MTA3: variants seen among roughly 807,000 people sequenced by gnomAD.
The protein encoded by MTA3 is metastasis-associated protein MTA3.
Under a neutral mutation model 83.5 loss-of-function variants are expected in MTA3, and 34 were observed. The observed-to-expected ratio is 0.41, with a 90% CI of 0.31 to 0.54. The LOEUF is 0.54. Ranked by LOEUF, MTA3 falls within the 20% of genes least tolerant of loss-of-function variation. The pLI is 0.33. For synonymous variants in MTA3, 303 were observed against 252.7 expected (o/e 1.20, Z -1.89); for missense variants, 761 against 726.4 (o/e 1.05, Z -0.55).
intron 3 of MTA3, among the ~76,000 whole-genome samples, chr2:42,583,383 C>G (rs1341481238): frequency 6.6e-6 from 1 of 152,118 alleles, no homozygotes; most frequent in Non-Finnish European, 1.5e-5. Flanking sequence ...ATAAAGTTGT[C>G]TGAAGAATTC....
intron 9 of MTA3, among the ~76,000 whole-genome samples, chr2:42,689,998 C>T (rs1022296125): frequency 6.6e-6 from 1 of 151,426 alleles, no homozygotes; most frequent in African/African-American, 2.4e-5. Flanking sequence ...AAGCTTAGGG[C>T]TACAGATGTG....
At chr2:42,581,360 CTTTTTTT>C (rs778419810) in intron 3 of MTA3, among the ~76,000 whole-genome samples, 1,156 of 88,238 alleles carry the variant, frequency 0.013, 19 homozygotes, top group African/African-American at 0.04. Flanking sequence ...TCCCAAATTG[CTTTTTTT>C]TTTTTTTTTT....
At chr2:42,717,608 C>G (rs1220978063) in intron 14 of MTA3, among the ~76,000 whole-genome samples, 1 of 152,186 alleles carries the variant, frequency 6.6e-6, no homozygotes, top group East Asian at 1.9e-4. Context: ...AATACCCATC[C>G]TCACTGTTTC....
At chr2:42,580,563 G>A (rs1472908381) in intron 3 of MTA3, among the ~76,000 whole-genome samples, 3 of 150,636 alleles carry the variant, frequency 2.0e-5, no homozygotes, top group Non-Finnish European at 4.4e-5. Context: ...GCAGAGACAG[G>A]GTTTCACCAT....
intron 2 of MTA3, among the ~76,000 whole-genome samples, chr2:42,504,683 G>C (rs1485801443): frequency 6.7e-6 from 1 of 149,808 alleles, no homozygotes; most frequent in Non-Finnish European, 1.5e-5. Context: ...TTTTTGTAGA[G>C]ATGTGGTCTC....
At position 42,594,728 on chromosome 2, in the gene MTA3, A is replaced by ATATATATATATTTTT; in HGVS notation, c.191-14729_191-14728insATATATATATTTTTT. On this transcript the variant is annotated intron_variant, in intron 3 of 16. Coordinates refer to ENST00000405094, the MANE Select transcript of MTA3 (RefSeq NM_001330442.2). ...TACATATATATATATATATATATAT[A>ATATATATATATTTTT]TTTTTTTTTTTTTTTTGAGACAGAG... Among the ~76,000 whole-genome samples, 201 of 23,998 alleles carry ATATATATATATTTTT rather than the reference A, an allele frequency of 8.4e-3. 3 individuals carry two copies. Among genetic ancestry groups the ATATATATATATTTTT allele is most frequent in the Non-Finnish European group, 0.011 (172 of 15,426 alleles). 15.7% of individuals were successfully genotyped at this position (23,998 alleles called of 152,430 possible).
chr2:42,528,284 G>A (rs1226971319), intron 2 of MTA3, among the ~76,000 whole-genome samples: 1 of 147,154 alleles, frequency 6.8e-6, no homozygotes, highest in East Asian at 2.0e-4. Context: ...GCGGTGGCGT[G>A]ATCTCGGCTC....
chr2:42,723,038 A>T lies in MTA3; in HGVS notation c.1759+3A>T. The T allele has an allele frequency of 6.4e-7, 1 of 1,550,474 alleles. No homozygotes were observed. The highest frequency in any genetic ancestry group is 8.7e-7 in the Non-Finnish European group (1 of 1,146,828). On this transcript the variant is annotated splice_donor_region_variant and intron_variant, in intron 16 of 16. Coordinates refer to ENST00000405094, the MANE Select transcript of MTA3 (RefSeq NM_001330442.2). ...CAGTCATCACAATGGTCTGGATGGT[A>T]TGTAAGCCCAGGAATTCTGGAGGCT... is the stretch of plus-strand genomic sequence containing the variant.
At chr2:42,640,892 G>C (rs1687634637) in intron 5 of MTA3, among the ~76,000 whole-genome samples, 1 of 152,034 alleles carries the variant, frequency 6.6e-6, no homozygotes, top group South Asian at 2.1e-4. Context: ...TCCCCCAAAA[G>C]CTTTATTACA....
intron 3 of MTA3, among the ~76,000 whole-genome samples, chr2:42,580,895 A>T: frequency 6.6e-6 from 1 of 152,024 alleles, no homozygotes; most frequent in East Asian, 1.9e-4. Flanking sequence ...GGCCAGTTTG[A>T]TACTTTGATT....
intron 2 of MTA3, among the ~76,000 whole-genome samples, chr2:42,576,249 AC>A (rs1457667046): frequency 3.3e-5 from 5 of 152,186 alleles, no homozygotes; most frequent in African/African-American, 4.8e-5. Flanking sequence ...AATTGTATTA[AC>A]TTCTAAGAAG....
intron 8 of MTA3, among the ~76,000 whole-genome samples, chr2:42,677,926 C>G (rs1362750756): frequency 2.0e-5 from 3 of 152,144 alleles, no homozygotes; most frequent in African/African-American, 7.2e-5. Context: ...ATTTTCAGAC[C>G]ACAGTTGGCT....
rs890736919 is a variant in MTA3 at position 42,622,101 on chromosome 2, C to T, written c.317+12517C>T. On this transcript the variant is annotated intron_variant, in intron 4 of 16. Transcript: ENST00000405094. ...CGAGCCGAGATCACGCCACTGCACT[C>T]CAGCCTGGGCAACATTGAGCACTGA... Among the ~76,000 whole-genome samples the T allele has an allele frequency of 9.9e-4, 150 of 152,186 alleles. 1 individual carries two copies. The highest frequency in any genetic ancestry group is 1.5e-4 in the Non-Finnish European group (10 of 68,034).
chr2:42,645,820 A>G (rs775387277), intron 6 of MTA3, among the ~76,000 whole-genome samples: 15 of 152,250 alleles, frequency 9.9e-5, no homozygotes, highest in African/African-American at 2.4e-5. Context: ...GTGCTGATGT[A>G]GAAGCTGCAG....
intron 2 of MTA3, among the ~76,000 whole-genome samples, chr2:42,537,367 C>A (rs1676292672): frequency 6.6e-6 from 1 of 152,056 alleles, no homozygotes; most frequent in Admixed American, 6.6e-5. Flanking sequence ...GGTTCGAGAC[C>A]AGCCTGGCCA....
Position 42,708,024 on chromosome 2 carries a change from A to C in MTA3, c.1272A>C (p.Glu424Asp), listed in dbSNP as rs531858855. 7 of 1,612,248 alleles carry C rather than the reference A, an allele frequency of 4.3e-6. No individual in the cohort carries two copies. In the African/African-American group the frequency reaches 5.3e-5, roughly 12 times the overall value. ...TGAAAATGCCCACCCAGTCAGAAGA[A>C]GAGAAGTTATCTCCTAGCCCAACTA... ...GGLKMPTQSEEEKLSPSPTTE... is the reference protein window; with the variant it reads ...GGLKMPTQSEDEKLSPSPTTE... The change falls in exon 13 of 17, where the codon GAA becomes GAC. Residue 424 changes from glutamate to aspartate, a missense_variant. Physicochemically the swap from Glu to Asp is conservative, Grantham distance 45. Transcript: ENST00000405094.
intron 16 of MTA3, among the ~76,000 whole-genome samples, chr2:42,742,586 G>GA (rs1042314335): frequency 7.9e-5 from 12 of 151,806 alleles, no homozygotes; most frequent in African/African-American, 2.7e-4. Flanking sequence ...AGAGAGAAGG[G>GA]AAAAAAAGGA....
chr2:42,687,090 G>A lies in MTA3; in HGVS notation c.891+4501G>A, dbSNP rs184339213. Among the ~76,000 whole-genome samples the A allele has an allele frequency of 1.6e-3, 243 of 152,306 alleles. 2 individuals are homozygous for A. The highest frequency in any genetic ancestry group is 1.2e-3 in the East Asian group (6 of 5,192). On this transcript the variant is annotated intron_variant, in intron 9 of 16. Coordinates refer to ENST00000405094, the MANE Select transcript of MTA3 (RefSeq NM_001330442.2). ...TGCAGTGAGCTGAGATCGCGCCACT[G>A]CACTCTAGCCTAGGTGTTAGAATGA...
intron 4 of MTA3, among the ~76,000 whole-genome samples, chr2:42,615,696 C>A (rs188993463): frequency 1.7e-5 from 2 of 120,958 alleles, no homozygotes; most frequent in African/African-American, 6.3e-5. Context: ...ACCACAGATA[C>A]TTGAATAATC....
Sources: gnomAD v4.1 joint callset for allele counts (sites outside exome capture counted in the v4.1 genomes callset) on GRCh38, gnomAD v4.1.1 for gene constraint, MANE v1.5 for transcripts, NCBI Gene and HGNC (gene_info 2026-07-23, HGNC 2026-07-21) for gene names.